ANK1: variants seen among roughly 807,000 people sequenced by gnomAD.
ANK1 encodes the protein ankyrin-1.
A neutral mutation model predicts 210.4 loss-of-function variants in ANK1; 51 were observed. That is an observed-to-expected ratio of 0.24 (90% CI 0.19 to 0.31). The LOEUF (loss-of-function observed/expected upper bound fraction) is 0.31, where lower values mean the gene tolerates loss of function less well. Ranked by LOEUF, ANK1 falls within the 10% of genes least tolerant of loss-of-function variation. ANK1 has a pLI of 1.00. For missense variants in ANK1, 2,051 were observed against 2,504.4 expected (o/e 0.82, Z 3.86); for synonymous variants, 967 against 1,025.9 (o/e 0.94, Z 1.10).
chr8:41,802,085 G>T (rs1237658033), upstream of ANK1, among the ~76,000 whole-genome samples: 1 of 152,148 alleles, frequency 6.6e-6, no homozygotes, highest in Non-Finnish European at 1.5e-5. Flanking sequence ...CGCCTCCCGG[G>T]TTCCAGCAAT....
chr8:41,765,755 T>C (rs1363286990), intron 1 of ANK1, among the ~76,000 whole-genome samples: 2 of 152,154 alleles, frequency 1.3e-5, no homozygotes, highest in Non-Finnish European at 2.9e-5. Flanking sequence ...CAGACTATTA[T>C]TAAACTTGCA....
chr8:41,895,578 A>T (rs1339105634), intron 1 of ANK1, among the ~76,000 whole-genome samples: 3 of 152,040 alleles, frequency 2.0e-5, no homozygotes, highest in African/African-American at 7.2e-5. Flanking sequence ...CGACACAGAA[A>T]TACCCGGGAT....
At chr8:41,822,730 A>G (rs1804688840) in intron 1 of ANK1, among the ~76,000 whole-genome samples, 1 of 152,210 alleles carries the variant, frequency 6.6e-6, no homozygotes. Flanking sequence ...AGAGAGGGTC[A>G]CAGGCCTCCA....
intron 1 of ANK1, among the ~76,000 whole-genome samples, chr8:41,841,415 G>C (rs933679953): frequency 6.6e-6 from 1 of 152,194 alleles, no homozygotes; most frequent in African/African-American, 2.4e-5. Context: ...CTCAATGGGC[G>C]TAAGTTTCCA....
At chr8:41,696,901 C>G in intron 24 of ANK1, 128 bp from the exon 25 acceptor site, 1 of 875,970 alleles carries the variant, frequency 1.1e-6, no homozygotes, top group Non-Finnish European at 1.8e-6. Flanking sequence ...AGTGCTCCCA[C>G]GGGACCCCAC....
At chr8:41,896,541 G>A in exon 1 of ANK1, 1 of 1,531,292 alleles carries the variant, frequency 6.5e-7, no homozygotes, top group Non-Finnish European at 8.8e-7. Context: ...GATCCCCGAG[G>A]CGACACCCCC....
At chr8:41,763,514 T>C (rs1840930951) in intron 1 of ANK1, among the ~76,000 whole-genome samples, 1 of 152,186 alleles carries the variant, frequency 6.6e-6, no homozygotes, top group Admixed American at 6.5e-5. Flanking sequence ...AATCCAGGGG[T>C]ACCCCACTGA....
At chr8:41,815,331 CTTA>C (rs1291805587) in intron 1 of ANK1, among the ~76,000 whole-genome samples, 1 of 152,054 alleles carries the variant, frequency 6.6e-6, no homozygotes, top group African/African-American at 2.4e-5. Context: ...TTCACTATCT[CTTA>C]TTAAGACTAC....
At chr8:41,783,010 A>G (rs769351219) in intron 1 of ANK1, among the ~76,000 whole-genome samples, 1 of 152,246 alleles carries the variant, frequency 6.6e-6, no homozygotes, top group Non-Finnish European at 1.5e-5. Context: ...TCATTTCCAC[A>G]GAGAGCTGTT....
chr8:41,731,951 G>A (rs1017402708), intron 3 of ANK1, among the ~76,000 whole-genome samples: 2 of 152,198 alleles, frequency 1.3e-5, no homozygotes, highest in African/African-American at 4.8e-5. Context: ...TCATCCACAC[G>A]AAAAGCAGGG....
chr8:41,755,922 G>C (rs1232850341), intron 2 of ANK1, among the ~76,000 whole-genome samples: 1 of 152,188 alleles, frequency 6.6e-6, no homozygotes. Flanking sequence ...GCAAATTCCA[G>C]TCAGGTCCAC....
chr8:41,665,140 C>T, intron 39 of ANK1: 1 of 1,539,546 alleles, frequency 6.5e-7, no homozygotes, highest in Admixed American at 2.0e-5. Context: ...TGCATTCCCC[C>T]TCCCTATCTC....
At chr8:41,884,822 A>T (rs930371827) in intron 1 of ANK1, among the ~76,000 whole-genome samples, 16 of 152,120 alleles carry the variant, frequency 1.1e-4, no homozygotes, top group African/African-American at 2.9e-4. Flanking sequence ...ACAGGGTGAG[A>T]CCTTGTCTCA....
intron 1 of ANK1, among the ~76,000 whole-genome samples, chr8:41,825,928 CTG>C (rs1213643186): frequency 6.6e-6 from 1 of 152,204 alleles, no homozygotes; most frequent in Non-Finnish European, 1.5e-5. Context: ...CCATGTGGAA[CTG>C]TGAGTCCATT....
At chr8:41,671,059 G>A (rs1370093577) in intron 38 of ANK1, among the ~76,000 whole-genome samples, 6 of 152,214 alleles carry the variant, frequency 3.9e-5, no homozygotes, top group Non-Finnish European at 8.8e-5. Context: ...GCCCAGATGG[G>A]ACGATGAGAG....
At chr8:41,816,895 A>G (rs1207573527) in intron 1 of ANK1, among the ~76,000 whole-genome samples, 1 of 152,368 alleles carries the variant, frequency 6.6e-6, no homozygotes, top group Non-Finnish European at 1.5e-5. Flanking sequence ...CATGACATAC[A>G]TACATACTTA....
chr8:41,730,359 C>T (rs1831836641), intron 3 of ANK1, among the ~76,000 whole-genome samples: 2 of 152,102 alleles, frequency 1.3e-5, no homozygotes, highest in Admixed American at 1.3e-4. Flanking sequence ...AATCCTGGCA[C>T]TTTGGGAGGC....
chr8:41,656,607 G>A (rs904684113), intron 42 of ANK1, among the ~76,000 whole-genome samples: 12 of 152,212 alleles, frequency 7.9e-5, no homozygotes, highest in Admixed American at 1.3e-4. Context: ...AGCCACTCAT[G>A]TTCTATCTGC....
Position 41,694,666 on chromosome 8 carries a change from T to C in ANK1, c.3253A>G (p.Ser1085Gly), listed in dbSNP as rs1343768535. 6.2e-7 allele frequency: 1 copy of C among 1,614,070 alleles called. No individual in the cohort carries two copies. The highest frequency in any genetic ancestry group is 1.1e-5 in the South Asian group (1 of 91,074). Residue 1085 changes from serine to glycine, a missense_variant, in exon 28 of 43, where the codon AGC becomes GGC. Transcript: ENST00000289734. The surrounding 1 kb of genome is among the most constrained non-coding windows in gnomAD (Gnocchi z 5.7). ...GCCTGTACCAGGGGCACCAGCTTGC[T>C]CTTCAGGGAGCCCCCTTCGGGACCG... ...TIGPEGGSLK[S>G]KLVPLVQATF...
Sources: allele counts gnomAD v4.1 joint callset (sites outside exome capture counted in the v4.1 genomes callset), GRCh38; gene constraint gnomAD v4.1.1; non-coding constraint Gnocchi (gnomAD v3.1); transcripts MANE v1.5; gene names NCBI Gene and HGNC (gene_info 2026-07-23, HGNC 2026-07-21).